ITSN2: variants seen among roughly 807,000 people sequenced by gnomAD.
The protein encoded by ITSN2 is intersectin-2.
In ITSN2, 156 loss-of-function variants were observed where a neutral mutation model predicts 243.7. That is an observed-to-expected ratio of 0.64 (90% CI 0.56 to 0.73). The LOEUF (loss-of-function observed/expected upper bound fraction) is 0.73. Ranked by LOEUF, ITSN2 falls within the 30% of genes least tolerant of loss-of-function variation. ITSN2 has a pLI of 0.00. For missense variants in ITSN2, 1,801 were observed against 1,996.1 expected (o/e 0.90, Z 1.86); for synonymous variants, 703 against 699.9 (o/e 1.00, Z -0.07).
intron 30 of ITSN2, chr2:24,220,202 C>G (rs1013021885): frequency 8.4e-6 from 3 of 357,942 alleles, no homozygotes; most frequent in African/African-American, 6.7e-5. Flanking sequence ...TACGCTGCAC[C>G]TGTTGGGTGT....
rs1211425981 is a variant in ITSN2, at chr2:24,216,144, G to A, written c.3895C>T (p.Gln1299Ter). 6.2e-7 allele frequency: 1 copy of A among 1,613,026 alleles called. No homozygotes were observed. Among genetic ancestry groups the A allele is most frequent in the East Asian group, 2.2e-5 (1 of 44,734 alleles). Residue 1299 changes from glutamine (Q) to a stop codon, truncating the protein, a stop_gained, in exon 32 of 40, where the codon CAG becomes TAG. Transcript: ENST00000355123. LOFTEE classifies it high-confidence loss of function. ...CAGCTGCAGAACCTGATGTAAGCCT[G>A]CATGTGGGACAGCTCAGCGGCCAGG... is the stretch of plus-strand genomic sequence containing the variant. Reference protein sequence around the residue: ...DILAAELSHMQAYIRFCSCQL... With the variant: ...DILAAELSHM
intron 1 of ITSN2, among the ~76,000 whole-genome samples, chr2:24,355,471 A>C (rs1219452195): frequency 2.0e-5 from 3 of 152,210 alleles, no homozygotes; most frequent in Admixed American, 6.5e-5. Flanking sequence ...AGACAAAAAC[A>C]AGCAATGGGG....
At chr2:24,206,431 A>G (rs1668883584) in intron 37 of ITSN2, among the ~76,000 whole-genome samples, 1 of 151,212 alleles carries the variant, frequency 6.6e-6, no homozygotes, top group Non-Finnish European at 1.5e-5. Flanking sequence ...CAGCTGGCTC[A>G]GAGCACAGGC....
At chr2:24,218,451 C>A in intron 30 of ITSN2, among the ~76,000 whole-genome samples, 1 of 152,190 alleles carries the variant, frequency 6.6e-6, no homozygotes, top group Non-Finnish European at 1.5e-5. Flanking sequence ...TATGCCACCC[C>A]TAAGATAACT....
At chr2:24,262,017 T>G (rs765192588) in intron 20 of ITSN2, among the ~76,000 whole-genome samples, 1 of 152,218 alleles carries the variant, frequency 6.6e-6, no homozygotes, top group Non-Finnish European at 1.5e-5. Context: ...CTCCCCTATC[T>G]CATGGCTCCT....
chr2:24,342,020 C>A (rs1480863047), intron 1 of ITSN2, among the ~76,000 whole-genome samples: 1 of 151,896 alleles, frequency 6.6e-6, no homozygotes, highest in Admixed American at 6.6e-5. Context: ...GAAGTTAGGG[C>A]CAGAAAAAGA....
chr2:24,262,445 T>C (rs1330508152), intron 20 of ITSN2, among the ~76,000 whole-genome samples: 1 of 152,234 alleles, frequency 6.6e-6, no homozygotes, highest in Admixed American at 6.5e-5. Flanking sequence ...CTCTGAATAC[T>C]ATTTTCCAAC....
At chr2:24,342,723 GGCAGAGGTTACTCTGCAAAA>G (rs1444420748) in intron 1 of ITSN2, among the ~76,000 whole-genome samples, 1 of 151,782 alleles carries the variant, frequency 6.6e-6, no homozygotes, top group Non-Finnish European at 1.5e-5. Context: ...AAACATTCTA[GGCAGAGGTTACTCTGCAAAA>G]GCAGAGTAAC....
chr2:24,299,300 C>T (rs1016292697), intron 12 of ITSN2, among the ~76,000 whole-genome samples: 1 of 152,162 alleles, frequency 6.6e-6, no homozygotes, highest in African/African-American at 2.4e-5. Context: ...TACAGAATGA[C>T]TTCATAAATA....
At position 24,248,665 on chromosome 2, in the gene ITSN2, C is replaced by T; in HGVS notation, c.3252G>A (p.Lys1084=). 5.0e-6 allele frequency: 8 copies of T among 1,610,664 alleles called. No individual in the cohort carries two copies. The highest frequency in any genetic ancestry group is 5.9e-6 in the Non-Finnish European group (7 of 1,177,924). The change falls in exon 27 of 40, where the codon AAG becomes AAA. Residue 1084 remains lysine, a synonymous_variant. Coordinates refer to ENST00000355123, the MANE Select transcript of ITSN2 (RefSeq NM_006277.3). ...CTTGCCACCACCCACTTGTATTTTTCTTTAGAATTAATATTAACTGTCCTG... is the reference window on the plus strand; with the variant it reads ...CTTGCCACCACCCACTTGTATTTTTTTTTAGAATTAATATTAACTGTCCTG... ...LAPGQLILIL[K]KNTSGWWQGE...
chr2:24,318,998 T>C (rs903391055), intron 2 of ITSN2, among the ~76,000 whole-genome samples: 1 of 152,324 alleles, frequency 6.6e-6, no homozygotes, highest in South Asian at 2.1e-4. Flanking sequence ...TGCATGCTCC[T>C]TATGAGAATC....
At chr2:24,309,306 C>A (rs186481565) in intron 7 of ITSN2, among the ~76,000 whole-genome samples, 34 of 152,300 alleles carry the variant, frequency 2.2e-4, no homozygotes, top group Admixed American at 8.5e-4. Flanking sequence ...AATTCTCCTG[C>A]CTCAGCCTCT....
chr2:24,330,771 C>CT (rs903037107), intron 1 of ITSN2: 19,088 of 383,830 alleles, frequency 0.05, 4 homozygotes, highest in South Asian at 0.07. Context: ...TTTCATTTTA[C>CT]TTTTTTTTTT....
At chr2:24,310,779 G>A (rs1683166716) in intron 5 of ITSN2, 87 bp from the exon 6 acceptor site, 1 of 1,019,822 alleles carries the variant, frequency 9.8e-7, no homozygotes, top group Non-Finnish European at 1.5e-6. Flanking sequence ...ACAGTGGGCA[G>A]ACTCTATGTT....
In ITSN2 at chr2:24,204,162, A is replaced by G. The variant is rs1668599162; in HGVS notation, c.4936+83T>C. 1 of 1,392,374 alleles carries G rather than the reference A, an allele frequency of 7.2e-7. No homozygotes were observed. The highest frequency in any genetic ancestry group is 1.0e-6 in the Non-Finnish European group (1 of 989,044). 86.3% of individuals were successfully genotyped at this position (1,392,374 alleles called of 1,614,324 possible). A position where few individuals can be genotyped will look rare whatever the true frequency, so the allele number is the denominator to read the frequency against. On this transcript the variant is annotated intron_variant, in intron 39 of 39. Transcript: ENST00000355123. This position sits in a 1 kb window ranked among gnomAD's most constrained non-coding sequence, Gnocchi z 5.1. The stretch of plus-strand genomic sequence containing the variant: ...TTCCCTGAAGTGGCATGGGGTCTGC[A>G]CACAGCTGAAGCCCCTAGATCTGGA...
intron 8 of ITSN2, among the ~76,000 whole-genome samples, chr2:24,307,312 C>T (rs368204711): frequency 6.6e-6 from 1 of 150,912 alleles, no homozygotes; most frequent in African/African-American, 2.4e-5. Flanking sequence ...TAAGACATCA[C>T]TAATTGTAGC....
intron 2 of ITSN2, among the ~76,000 whole-genome samples, chr2:24,320,248 G>A (rs2891379): frequency 5.3e-5 from 8 of 151,914 alleles, no homozygotes; most frequent in Admixed American, 1.3e-4. Context: ...GGCTGGGCGC[G>A]GTGGCTCACG....
intron 36 of ITSN2, among the ~76,000 whole-genome samples, chr2:24,208,545 C>T (rs1408826083): frequency 2.0e-5 from 3 of 152,192 alleles, no homozygotes; most frequent in Non-Finnish European, 4.4e-5. Context: ...ACTCGCAAGG[C>T]GCTGGGACCT....
rs568726440 is a variant in ITSN2, at chr2:24,298,686, A to C, written c.1473T>G (p.Leu491=). ...ATACCAGTGCTTCCAACTCAAGATGAAGATTCTTCTTTTTAGAGTTTAACC... is the reference window on the plus strand; with the variant it reads ...ATACCAGTGCTTCCAACTCAAGATGCAGATTCTTCTTTTTAGAGTTTAACC... ...IVRLNSKKKN[L]HLELEALNGK... Residue 491 remains leucine (L), a synonymous_variant, in exon 13 of 40, where the codon CTT becomes CTG. Transcript: ENST00000355123. 1 of 1,602,936 alleles carries C rather than the reference A, an allele frequency of 6.2e-7. No homozygotes were observed. The highest frequency in any genetic ancestry group is 1.1e-5 in the South Asian group (1 of 87,884).
Sources: allele counts gnomAD v4.1 joint callset (sites outside exome capture counted in the v4.1 genomes callset), GRCh38; gene constraint gnomAD v4.1.1; non-coding constraint Gnocchi (gnomAD v3.1); transcripts MANE v1.5; gene names NCBI Gene and HGNC (gene_info 2026-07-23, HGNC 2026-07-21).